The following AKAP13 variants were observed in gnomAD, a reference collection of about 807,000 sequenced individuals.
AKAP13 encodes A-kinase anchor protein 13.
Under a neutral mutation model 264.5 loss-of-function variants are expected in AKAP13, and 80 were observed. The ratio of observed to expected loss-of-function variants is 0.30; its 90% CI spans 0.25 to 0.36. AKAP13 has a LOEUF of 0.36. Among genes scored for constraint, AKAP13 ranks in the 10% least tolerant of loss-of-function variants. The pLI is 1.00. For synonymous variants in AKAP13, 1,380 were observed against 1,250.2 expected (o/e 1.10, Z -2.19); for missense variants, 3,712 against 3,435.2 (o/e 1.08, Z -2.01).
chr15:85,469,785 A>G (rs540188282), intron 1 of AKAP13, among the ~76,000 whole-genome samples: 1 of 152,332 alleles, frequency 6.6e-6, no homozygotes, highest in East Asian at 1.9e-4. Flanking sequence ...GCACATGAAA[A>G]CTGTCAACTC....
At chr15:85,594,648 T>C (rs1596642738) in intron 8 of AKAP13, among the ~76,000 whole-genome samples, 2 of 152,222 alleles carry the variant, frequency 1.3e-5, no homozygotes, top group African/African-American at 4.8e-5. Flanking sequence ...CTTACTGATA[T>C]AAATATGACT....
intron 5 of AKAP13, among the ~76,000 whole-genome samples, chr15:85,569,619 A>G (rs2078738209): frequency 6.6e-6 from 1 of 151,684 alleles, no homozygotes; most frequent in Non-Finnish European, 1.5e-5. Context: ...CACCCGGCTA[A>G]TTTTTGTATT....
intron 8 of AKAP13, among the ~76,000 whole-genome samples, chr15:85,632,223 A>G (rs532979047): frequency 5.9e-5 from 9 of 152,298 alleles, no homozygotes; most frequent in Admixed American, 4.6e-4. Flanking sequence ...AGCCAGCAGC[A>G]TCAGCATCAC....
chr15:85,590,364 A>G (rs996391012), intron 8 of AKAP13, among the ~76,000 whole-genome samples: 10 of 152,342 alleles, frequency 6.6e-5, no homozygotes, highest in Non-Finnish European at 1.2e-4. Context: ...CCAAGGATTT[A>G]AAGAAAAAAG....
intron 26 of AKAP13, among the ~76,000 whole-genome samples, chr15:85,723,847 T>C (rs1377972148): frequency 1.3e-5 from 2 of 152,246 alleles, no homozygotes; most frequent in Non-Finnish European, 2.9e-5. Flanking sequence ...TAATTTATGA[T>C]ATTCGTATAT....
intron 3 of AKAP13, among the ~76,000 whole-genome samples, chr15:85,522,351 A>G (rs1334833782): frequency 6.6e-6 from 1 of 152,202 alleles, no homozygotes; most frequent in Non-Finnish European, 1.5e-5. Flanking sequence ...ATAAGTAGAT[A>G]CAAGGAGACT....
chr15:85,456,078 C>T (rs1346923203), intron 1 of AKAP13, among the ~76,000 whole-genome samples: 1 of 152,198 alleles, frequency 6.6e-6, no homozygotes, highest in Non-Finnish European at 1.5e-5. Flanking sequence ...CCTTATTTGT[C>T]TTGCTGCAAA....
chr15:85,595,735 G>A (rs1046866525), intron 8 of AKAP13, among the ~76,000 whole-genome samples: 3 of 152,072 alleles, frequency 2.0e-5, no homozygotes, highest in Admixed American at 6.6e-5. Context: ...TTCACAATAC[G>A]CTCAGCCCTT....
In AKAP13 at chr15:85,561,337, C is replaced by T. The variant is rs141337747; in HGVS notation, c.663-13794C>T. Among the ~76,000 whole-genome samples, 965 of 152,234 alleles carry T rather than the reference C, an allele frequency of 6.3e-3. 11 individuals are homozygous for T. The highest frequency in any genetic ancestry group is 0.022 in the African/African-American group (904 of 41,548). The stretch of plus-strand genomic sequence containing the variant: ...CCTCCCAAAGTGCTGGGATTACAGG[C>T]GTGAGCCACCATGCCCAGCCTCTGG... On this transcript the variant is annotated intron_variant, in intron 5 of 36. Coordinates refer to ENST00000394518, the MANE Select transcript of AKAP13 (RefSeq NM_007200.5).
In AKAP13 at chr15:85,667,862, A is replaced by G. The variant is rs186381682; in HGVS notation, c.4993-1860A>G. Reference sequence around the variant, plus strand: ...TTTTCTAAGATGGATATTTCCGGGAATTTGACAGATAACCCTGCATTTTAG... The same window carrying G: ...TTTTCTAAGATGGATATTTCCGGGAGTTTGACAGATAACCCTGCATTTTAG... On this transcript the variant is annotated intron_variant, in intron 13 of 36. Transcript: ENST00000394518. 2.2e-4 allele frequency among the ~76,000 whole-genome samples: 34 copies of G among 152,318 alleles called. 1 individual carries two copies. Among genetic ancestry groups the G allele is most frequent in the Admixed American group, 1.9e-3 (29 of 15,308 alleles).
intron 14 of AKAP13, among the ~76,000 whole-genome samples, chr15:85,680,987 T>A (rs1438187346): frequency 6.6e-6 from 1 of 152,120 alleles, no homozygotes; most frequent in Non-Finnish European, 1.5e-5. Context: ...CTGGCCAATT[T>A]GTGTATTTTT....
At chr15:85,675,115 C>T (rs2151581615) in intron 14 of AKAP13, among the ~76,000 whole-genome samples, 1 of 152,238 alleles carries the variant, frequency 6.6e-6, no homozygotes, top group South Asian at 2.1e-4. Flanking sequence ...GTCAGGGATA[C>T]TCTAGACACT....
intron 5 of AKAP13, among the ~76,000 whole-genome samples, chr15:85,554,510 G>A (rs1016095423): frequency 1.3e-5 from 2 of 152,086 alleles, no homozygotes; most frequent in Non-Finnish European, 2.9e-5. Context: ...ACAGAATTTT[G>A]GAGGGTAAAT....
At chr15:85,484,947 T>C (rs2075484620) in intron 1 of AKAP13, among the ~76,000 whole-genome samples, 1 of 152,308 alleles carries the variant, frequency 6.6e-6, no homozygotes, top group South Asian at 2.1e-4. Flanking sequence ...CTTGGTTCTG[T>C]TTCTCTGACT....
At chr15:85,624,338 C>T (rs1414558614) in intron 8 of AKAP13, 13 of 152,168 alleles carry the variant, frequency 8.5e-5, no homozygotes, top group Admixed American at 7.9e-4. Flanking sequence ...CAGAGCAGGA[C>T]GATTCCCCCC....
intron 2 of AKAP13, among the ~76,000 whole-genome samples, chr15:85,510,018 G>A (rs1166182852): frequency 2.0e-5 from 3 of 152,300 alleles, no homozygotes; most frequent in African/African-American, 7.2e-5. Flanking sequence ...GAAGACTGTG[G>A]GAGGCCTCCC....
chr15:85,616,529 G>T (rs2080943426), intron 8 of AKAP13, among the ~76,000 whole-genome samples: 1 of 152,164 alleles, frequency 6.6e-6, no homozygotes, highest in African/African-American at 2.4e-5. Flanking sequence ...GATGGAGGCT[G>T]CAGAAAGAAA....
At chr15:85,716,992 G>A (rs1189009747) in intron 20 of AKAP13, among the ~76,000 whole-genome samples, 1 of 152,166 alleles carries the variant, frequency 6.6e-6, no homozygotes, top group Non-Finnish European at 1.5e-5. Context: ...TAAACAGAAA[G>A]TTTCTTATAT....
At chr15:85,696,511 T>A (rs1213061084) in intron 17 of AKAP13, among the ~76,000 whole-genome samples, 2 of 152,216 alleles carry the variant, frequency 1.3e-5, no homozygotes, top group Admixed American at 6.5e-5. Context: ...AAAATCTTCC[T>A]CCTGTGTTCC....
Sources: allele counts gnomAD v4.1 joint callset (sites outside exome capture counted in the v4.1 genomes callset), GRCh38; gene constraint gnomAD v4.1.1; transcripts MANE v1.5; gene names NCBI Gene and HGNC (gene_info 2026-07-23, HGNC 2026-07-21).